TRIM38: variants seen among roughly 807,000 people sequenced by gnomAD.
TRIM38 encodes tripartite motif containing 38.
In TRIM38, 35 loss-of-function variants were observed where a neutral mutation model predicts 35.8. That is an observed-to-expected ratio of 0.98 (90% confidence interval 0.75 to 1.30). TRIM38 has a LOEUF of 1.30. TRIM38 is among the 50% of genes most tolerant of loss of function. The pLI is 0.00. For missense variants in TRIM38, 545 were observed against 556.9 expected (o/e 0.98, Z 0.21); for synonymous variants, 198 against 204.7 (o/e 0.97, Z 0.28).
At chr6:25,981,357 T>G (rs1448943034) in intron 7 of TRIM38, among the ~76,000 whole-genome samples, 1 of 152,166 alleles carries the variant, frequency 6.6e-6, no homozygotes, top group East Asian at 1.9e-4. Flanking sequence ...CAGGGAAAAG[T>G]GAGGGATTAT....
chr6:25,973,909 C>A, intron 7 of TRIM38: 5 of 979,400 alleles, frequency 5.1e-6, no homozygotes, highest in Non-Finnish European at 6.1e-6. Flanking sequence ...AATTTGTATC[C>A]GTAAGTACAA....
intron 7 of TRIM38, among the ~76,000 whole-genome samples, chr6:25,982,912 C>T (rs181504053): frequency 2.6e-5 from 4 of 152,212 alleles, no homozygotes; most frequent in Middle Eastern, 3.4e-3. Context: ...CATGGCGAAA[C>T]CCCATCTCTA....
rs1024046751 is a variant in TRIM38 at position 25,963,140 on chromosome 6, C to T, written c.-331C>T. On this transcript the variant is annotated 5_prime_UTR_variant, in exon 2 of 8. Coordinates refer to ENST00000357085, the MANE Select transcript of TRIM38 (RefSeq NM_006355.5). ...CCTTGGAAGGAGGGGAGCCCCATCT[C>T]CCCAGAAGAGCAGTGACCCCAGCAG... The T allele has an allele frequency of 2.6e-5, 4 of 152,282 alleles. No homozygotes were observed. Among genetic ancestry groups the T allele is most frequent in the Non-Finnish European group, 4.4e-5 (3 of 68,108 alleles). The allele number at this position is 152,282 out of a possible 1,614,324, so 9.4% of individuals were successfully genotyped here.
rs911842448 is a variant in TRIM38 at position 25,983,907 on chromosome 6, A to C, written c.*220A>C. On this transcript the variant is annotated 3_prime_UTR_variant, in exon 8 of 8. Transcript: ENST00000357085. ...CTGGACTGGGGCAAAGCAAGATAAT[A>C]GTGATGATCGTATGTTGCTGTCTCC... 1 of 493,938 alleles carries C rather than the reference A, an allele frequency of 2.0e-6. No homozygotes were observed. Among genetic ancestry groups the C allele is most frequent in the African/African-American group, 2.0e-5 (1 of 51,186 alleles). 30.6% of individuals were successfully genotyped at this position (493,938 alleles called of 1,614,324 possible).
intron 5 of TRIM38, 54 bp from the exon 6 acceptor site, chr6:25,973,000 C>A: frequency 9.3e-6 from 15 of 1,610,342 alleles, no homozygotes; most frequent in Non-Finnish European, 2.5e-6. Context: ...GCATGACAAG[C>A]CCCATGAAAT....
At chr6:25,968,443 C>T (rs1008258581) in intron 3 of TRIM38, among the ~76,000 whole-genome samples, 1 of 152,174 alleles carries the variant, frequency 6.6e-6, no homozygotes, top group African/African-American at 2.4e-5. Context: ...GCAGTGTCCT[C>T]CCTCCCTAAA....
chr6:25,964,960 CA>C (rs1759974610), intron 2 of TRIM38, among the ~76,000 whole-genome samples: 1 of 152,070 alleles, frequency 6.6e-6, no homozygotes, highest in South Asian at 2.1e-4. Context: ...TACAGGTGTG[CA>C]CCACCACATC....
Position 25,989,147 on chromosome 6 carries a change from C to T in TRIM38, c.*5460C>T, listed in dbSNP as rs1581616150. 6.6e-6 allele frequency: 1 copy of T among 152,232 alleles called. No individual in the cohort carries two copies. Among genetic ancestry groups the T allele is most frequent in the East Asian group, 1.9e-4 (1 of 5,198 alleles). 9.4% of individuals were successfully genotyped at this position (152,232 alleles called of 1,614,324 possible). ...GTTTTAATTTGCAGTTCCCTAATGA[C>T]ATGATGTCAAGCATCTTTTCATATG... On this transcript the variant is annotated 3_prime_UTR_variant, in exon 8 of 8. Coordinates refer to ENST00000357085, the MANE Select transcript of TRIM38 (RefSeq NM_006355.5).
intron 7 of TRIM38, among the ~76,000 whole-genome samples, chr6:25,980,423 CTTTTTTT>C (rs1228527323): frequency 7.1e-6 from 1 of 140,600 alleles, no homozygotes; most frequent in Non-Finnish European, 1.6e-5. Context: ...TTCATTCTTT[CTTTTTTT>C]TTTTTTTTGA....
At chr6:25,964,305 C>T (rs761160098) in intron 2 of TRIM38, among the ~76,000 whole-genome samples, 2 of 151,680 alleles carry the variant, frequency 1.3e-5, no homozygotes, top group Non-Finnish European at 2.9e-5. Flanking sequence ...GTATGTATAA[C>T]GTTTATACAT....
intron 7 of TRIM38, among the ~76,000 whole-genome samples, chr6:25,979,481 T>C (rs1450078049): frequency 6.6e-6 from 1 of 152,152 alleles, no homozygotes; most frequent in Non-Finnish European, 1.5e-5. Flanking sequence ...GTAATAATTT[T>C]ATCAGTACTT....
At position 25,966,601 on chromosome 6, in the gene TRIM38, G is replaced by T. The variant is rs1760056267; in HGVS notation, c.79G>T (p.Val27Leu). The T allele has an allele frequency of 3.7e-6, 6 of 1,614,164 alleles. No homozygotes were observed. In the East Asian group the frequency reaches 1.3e-4, roughly 36 times the overall value. Residue 27 changes from valine (V) to leucine (L), a missense_variant, in exon 3 of 8, where the codon GTA becomes TTA. Coordinates refer to ENST00000357085, the MANE Select transcript of TRIM38 (RefSeq NM_006355.5). The part of the protein sequence containing the change: ...SICLSLMTNP[V>L]SINCGHSYCH... ...CTGCCTGAGCCTGATGACGAACCCA[G>T]TAAGCATCAACTGTGGACACAGCTA...
chr6:25,974,616 G>C (rs1260540492), intron 7 of TRIM38, among the ~76,000 whole-genome samples: 1 of 152,242 alleles, frequency 6.6e-6, no homozygotes, highest in South Asian at 2.1e-4. Context: ...ACGGCACTGA[G>C]ATGAGACTAT....
At position 25,971,888 on chromosome 6, in the gene TRIM38, G is replaced by T; in HGVS notation, c.527G>T (p.Arg176Ile). 4 of 1,614,114 alleles carry T rather than the reference G, an allele frequency of 2.5e-6. No homozygotes were observed. Among genetic ancestry groups the T allele is most frequent in the Non-Finnish European group, 3.4e-6 (4 of 1,179,980 alleles). The change falls in exon 5 of 8, where the codon AGA becomes ATA. Residue 176 changes from arginine to isoleucine, a missense_variant. Arg to Ile is a moderately conservative substitution (Grantham distance 97, BLOSUM62 -3). Coordinates refer to ENST00000357085, the MANE Select transcript of TRIM38 (RefSeq NM_006355.5). ...TKWKEKVQIQ[R>I]QKIRSDFKNL... is the part of the protein sequence containing the mutation. ...CTCCAGGAGAAGGTACAGATTCAGA[G>T]ACAAAAAATCCGGTCTGACTTTAAG...
chr6:25,975,664 C>A, intron 7 of TRIM38: 2 of 976,222 alleles, frequency 2.0e-6, no homozygotes, highest in Non-Finnish European at 2.4e-6. Context: ...CGTCTCCAAT[C>A]TGACTTCTCT....
At chr6:25,967,719 T>G (rs999206616) in intron 3 of TRIM38, among the ~76,000 whole-genome samples, 3 of 151,692 alleles carry the variant, frequency 2.0e-5, no homozygotes, top group Non-Finnish European at 2.9e-5. Context: ...TTATTTTTTG[T>G]AGAGACATGG....
At chr6:25,973,148 A>T in intron 6 of TRIM38, 25 bp from the exon 7 acceptor site, 3 of 1,614,120 alleles carry the variant, frequency 1.9e-6, no homozygotes, top group Non-Finnish European at 2.5e-6. Flanking sequence ...CCTCTGAAGA[A>T]ATCTCTCGCC....
In TRIM38 at chr6:25,966,740, C is replaced by A; in HGVS notation, c.218C>A (p.Pro73His). The A allele has an allele frequency of 6.2e-7, 1 of 1,614,144 alleles. No homozygotes were observed. The highest frequency in any genetic ancestry group is 1.1e-5 in the South Asian group (1 of 91,080). The change falls in exon 3 of 8, where the codon CCC becomes CAC. Residue 73 changes from proline (P) to histidine (H), a missense_variant. Pro to His is a moderately conservative substitution (Grantham distance 77). Coordinates refer to ENST00000357085, the MANE Select transcript of TRIM38 (RefSeq NM_006355.5). The part of the protein sequence containing the change: ...RAPFHMDSLR[P>H]NKQLGSLIEA... ...CCATTTCATATGGATAGCCTCCGAC[C>A]CAACAAGCAGCTGGGAAGCCTCATT...
Position 25,985,018 on chromosome 6 carries a change from A to G in TRIM38, c.*1331A>G, listed in dbSNP as rs1760672943. 6.6e-6 allele frequency: 1 copy of G among 152,336 alleles called. No homozygotes were observed. The highest frequency in any genetic ancestry group is 1.5e-5 in the Non-Finnish European group (1 of 68,042). 9.4% of individuals were successfully genotyped at this position (152,336 alleles called of 1,614,324 possible). ...TATTGCCCATGTTCCCCAGGGTCAG[A>G]AGTTCTAATTATGATGATAGAGGCT... On this transcript the variant is annotated 3_prime_UTR_variant, in exon 8 of 8. Transcript: ENST00000357085.
Sources: allele counts gnomAD v4.1 joint callset (sites outside exome capture counted in the v4.1 genomes callset), GRCh38; gene constraint gnomAD v4.1.1; transcripts MANE v1.5; gene names NCBI Gene and HGNC (gene_info 2026-07-23, HGNC 2026-07-21).